Variants in DNAJC7 observed in about 807,000 individuals in gnomAD.
The protein encoded by DNAJC7 is DnaJ heat shock protein family (Hsp40) member C7.
In DNAJC7, 18 loss-of-function variants were observed where a neutral mutation model predicts 67.4. The ratio of observed to expected loss-of-function variants is 0.27; its 90% confidence interval spans 0.18 to 0.40. DNAJC7 has a LOEUF of 0.40. Among genes scored for constraint, DNAJC7 ranks in the 10% least tolerant of loss-of-function variants. The probability of loss-of-function intolerance (pLI) is 1.00; values close to 1 mark genes in which losing one functional copy is unlikely to be tolerated. For synonymous variants in DNAJC7, 220 were observed against 207.8 expected (o/e 1.06, Z -0.50); for missense variants, 419 against 613.8 (o/e 0.68, Z 3.35).
intron 5 of DNAJC7, among the ~76,000 whole-genome samples, chr17:41,994,651 C>A (rs1330380838): frequency 3.3e-5 from 5 of 151,734 alleles, no homozygotes; most frequent in African/African-American, 1.2e-4. Flanking sequence ...TCAAGTGGCA[C>A]ACTCATTTTA....
chr17:41,982,471 G>A (rs1205102982), intron 10 of DNAJC7, 70 bp from the exon 11 acceptor site: 2 of 1,575,652 alleles, frequency 1.3e-6, no homozygotes, highest in Admixed American at 3.5e-5. Context: ...TCTCAGCCCA[G>A]CTGCCTGGGA....
At chr17:41,983,691 C>A in intron 9 of DNAJC7, 55 bp from the exon 10 acceptor site, 1 of 1,500,530 alleles carries the variant, frequency 6.7e-7, no homozygotes, top group South Asian at 1.2e-5. Context: ...CAGTGGTTCT[C>A]AGGATCACTC....
chr17:41,983,804 T>C (rs1327548025), intron 9 of DNAJC7, among the ~76,000 whole-genome samples, 168 bp from the exon 10 acceptor site: 1 of 152,048 alleles, frequency 6.6e-6, no homozygotes, highest in African/African-American at 2.4e-5. Flanking sequence ...AGCTAACAAG[T>C]CCTCAAGGAA....
intron 8 of DNAJC7, 101 bp downstream of exon 8, chr17:41,988,631 C>G: frequency 7.4e-7 from 1 of 1,349,622 alleles, no homozygotes; most frequent in Non-Finnish European, 9.9e-7. Flanking sequence ...ACAACTTTCC[C>G]TCTTTCATCT....
rs1555646109 is a variant in DNAJC7 at position 41,982,331 on chromosome 17, A to G, written c.1155T>C (p.Ile385=). 2 of 1,613,878 alleles carry G rather than the reference A, an allele frequency of 1.2e-6. No homozygotes were observed. The highest frequency in any genetic ancestry group is 2.2e-5 in the East Asian group (1 of 44,870). The change falls in exon 11 of 14, where the codon ATT becomes ATC. Residue 385 remains isoleucine, a synonymous_variant. Coordinates refer to ENST00000457167, the MANE Select transcript of DNAJC7 (RefSeq NM_003315.4). ...CAGAGGCATTCTTGTCCACTCCTAG[A>G]ATCTTGTAGTAATCTTTCCTCTTAC... ...KKSKRKDYYK[I]LGVDKNASED... is the part of the protein sequence containing the mutation.
chr17:41,982,072 GA>G (rs1406969966), intron 11 of DNAJC7, 65 bp from the exon 12 acceptor site: 2 of 1,588,076 alleles, frequency 1.3e-6, no homozygotes, highest in African/African-American at 2.7e-5. Context: ...AAGTTTAAGA[GA>G]AAAACTACTT....
At chr17:41,994,741 C>T (rs2051610381) in intron 5 of DNAJC7, 129 bp downstream of exon 5, 3 of 724,190 alleles carry the variant, frequency 4.1e-6, no homozygotes, top group Admixed American at 2.8e-5. Context: ...AGTCAGAAGC[C>T]TAATTTAAGT....
chr17:41,976,472 C>G lies in DNAJC7; in HGVS notation c.*261G>C. ...AAACATTTTATTCTCTTTTTTTTTTCTTTTTTAATAAAGTTAAACAGTAAA... is the reference window on the plus strand; with the variant it reads ...AAACATTTTATTCTCTTTTTTTTTTGTTTTTTAATAAAGTTAAACAGTAAA... On this transcript the variant is annotated 3_prime_UTR_variant, in exon 14 of 14. Transcript: ENST00000457167. 1 of 371,698 alleles carries G rather than the reference C, an allele frequency of 2.7e-6. No individual in the cohort carries two copies. Among genetic ancestry groups the G allele is most frequent in the Non-Finnish European group, 4.7e-6 (1 of 210,702 alleles). 23.0% of individuals were successfully genotyped at this position (371,698 alleles called of 1,614,324 possible). A position where few individuals can be genotyped will look rare whatever the true frequency, so the allele number is the denominator to read the frequency against.
chr17:41,989,779 G>A (rs2051467576), intron 6 of DNAJC7, among the ~76,000 whole-genome samples: 1 of 150,080 alleles, frequency 6.7e-6, no homozygotes, highest in African/African-American at 2.5e-5. Context: ...AACTAGAACA[G>A]GGTTTGGCAA....
chr17:41,993,419 A>C (rs1259978593), intron 5 of DNAJC7, among the ~76,000 whole-genome samples: 7 of 152,222 alleles, frequency 4.6e-5, no homozygotes, highest in African/African-American at 1.7e-4. Flanking sequence ...AGATCCCGCC[A>C]CTGCACTCCA....
In DNAJC7 at chr17:41,987,879, C is replaced by T. The variant is rs2051423301; in HGVS notation, c.950G>A (p.Cys317Tyr). Reference sequence around the variant, plus strand: ...GTCATCAAGCTTCACTGCATTTGTGCAGTCTTCTATTGCATCATCTAGTTT... The same window carrying T: ...GTCATCAAGCTTCACTGCATTTGTGTAGTCTTCTATTGCATCATCTAGTTT... The part of the protein sequence containing the change: ...LRKLDDAIED[C>Y]TNAVKLDDTY... Residue 317 changes from cysteine (C) to tyrosine (Y), a missense_variant, in exon 9 of 14, where the codon TGC (cysteine) becomes TAC (tyrosine). This residue lies in a region of DNAJC7 where 161 missense variants were observed against 252.2 expected (regional missense o/e 0.64). Coordinates refer to ENST00000457167, the MANE Select transcript of DNAJC7 (RefSeq NM_003315.4). 1.2e-6 allele frequency: 2 copies of T among 1,611,784 alleles called. No homozygotes were observed. The highest frequency in any genetic ancestry group is 1.3e-5 in the African/African-American group (1 of 74,940).
intron 6 of DNAJC7, 109 bp downstream of exon 6, chr17:41,990,155 T>C: frequency 9.4e-7 from 1 of 1,058,232 alleles, no homozygotes; most frequent in South Asian, 1.4e-5. Context: ...GAGGGTCTGA[T>C]CAGCCCTAGC....
intron 5 of DNAJC7, 144 bp downstream of exon 5, chr17:41,994,726 G>A (rs1053521969): frequency 1.2e-5 from 8 of 670,778 alleles, no homozygotes; most frequent in African/African-American, 7.2e-5. Context: ...ATTTTTAAGA[G>A]GAAAAGTCAG....
intron 1 of DNAJC7, 96 bp downstream of exon 1, chr17:42,017,244 C>T (rs2052328148): frequency 1.2e-6 from 2 of 1,601,224 alleles, no homozygotes; most frequent in Non-Finnish European, 1.7e-6. Context: ...GGCGGGGCAT[C>T]GCCTCAACAG....
At chr17:41,990,982 TGGCTCTAAATA>T (rs1555647696) in intron 5 of DNAJC7, among the ~76,000 whole-genome samples, 1 of 152,194 alleles carries the variant, frequency 6.6e-6, no homozygotes, top group African/African-American at 2.4e-5. Flanking sequence ...TTATTTTAAA[TGGCTCTAAATA>T]GGCTACATCA....
At chr17:41,992,181 GT>G (rs1167204741) in intron 5 of DNAJC7, among the ~76,000 whole-genome samples, 1 of 151,226 alleles carries the variant, frequency 6.6e-6, no homozygotes, top group Non-Finnish European at 1.5e-5. Flanking sequence ...TTTGTTTTTT[GT>G]TTTTTTTGAG....
At chr17:42,000,822 T>C (rs1036412068) in intron 1 of DNAJC7, 3 of 280,298 alleles carry the variant, frequency 1.1e-5, no homozygotes, top group Non-Finnish European at 2.0e-5. Flanking sequence ...ACCCCTCTTA[T>C]GTTCCTGCCT....
intron 1 of DNAJC7, among the ~76,000 whole-genome samples, chr17:42,005,104 T>C (rs1259432082): frequency 6.6e-6 from 1 of 152,248 alleles, no homozygotes; most frequent in Non-Finnish European, 1.5e-5. Context: ...TTAAAATCTG[T>C]ATATCCTTTA....
At chr17:41,977,127 G>T in intron 13 of DNAJC7, 134 bp downstream of exon 13, 1 of 916,992 alleles carries the variant, frequency 1.1e-6, no homozygotes, top group African/African-American at 1.7e-5. Context: ...CAGCCGAGTG[G>T]ATAGATGCCC....
Sources: gnomAD v4.1 joint callset for allele counts (sites outside exome capture counted in the v4.1 genomes callset) on GRCh38, gnomAD v4.1.1 for gene constraint, gnomAD v4.1.1 regional missense constraint, MANE v1.5 for transcripts, NCBI Gene and HGNC (gene_info 2026-07-23, HGNC 2026-07-21) for gene names.